METTL3: variants seen among roughly 807,000 people sequenced by gnomAD.
METTL3 encodes methyltransferase 3, N6-adenosine-methyltransferase complex catalytic subunit.
In METTL3, 42 loss-of-function variants were observed where a neutral mutation model predicts 64.3. The observed-to-expected ratio is 0.65, with a 90% CI of 0.51 to 0.84. The LOEUF (loss-of-function observed/expected upper bound fraction) is 0.84, where lower values mean the gene tolerates loss of function less well. Among genes scored for constraint, METTL3 ranks in the 40% least tolerant of loss-of-function variants. The probability of loss-of-function intolerance (pLI) is 0.00; values close to 1 mark genes in which losing one functional copy is unlikely to be tolerated. For missense variants in METTL3, 435 were observed against 722.3 expected (o/e 0.60, Z 4.56); for synonymous variants, 256 against 263.6 (o/e 0.97, Z 0.28).
At chr14:21,500,737 C>T in intron 5 of METTL3, 55 bp from the exon 6 acceptor site, 1 of 1,541,902 alleles carries the variant, frequency 6.5e-7, no homozygotes. Flanking sequence ...GATTCATGGC[C>T]CGAGTCCCTC....
Position 21,501,801 on chromosome 14 carries a change from A to AG in METTL3, c.825dup (p.Cys276LeufsTer2), listed in dbSNP as rs1891573928. 1 of 1,614,084 alleles carries AG rather than the reference A, an allele frequency of 6.2e-7. No individual in the cohort carries two copies. The highest frequency in any genetic ancestry group is 8.5e-7 in the Non-Finnish European group (1 of 1,180,030). The stretch of plus-strand genomic sequence containing the variant: ...CACTCCTCCTTGGTTCCATAGTCAC[A>AG]GAATTCTTGCACTTGGGCCCGACCT... On this transcript the variant is annotated frameshift_variant, in exon 4 of 11. Coordinates refer to ENST00000298717, the MANE Select transcript of METTL3 (RefSeq NM_019852.5). LOFTEE classifies it high-confidence loss of function.
intron 8 of METTL3, 45 bp from the exon 9 acceptor site, chr14:21,499,416 G>GA (rs1566490317): frequency 5.6e-6 from 9 of 1,612,362 alleles, no homozygotes; most frequent in Non-Finnish European, 6.8e-6. Flanking sequence ...CCACACCTTT[G>GA]AACTTTTTCT....
chr14:21,498,439 G>A (rs149731858), intron 10 of METTL3, 70 bp from the exon 11 acceptor site: 3 of 1,460,662 alleles, frequency 2.1e-6, no homozygotes, highest in East Asian at 2.3e-5. Flanking sequence ...GTTAAAAAAT[G>A]CATACCAAAT....
Position 21,511,319 on chromosome 14 carries a change from C to G in METTL3, c.-96G>C. On this transcript the variant is annotated 5_prime_UTR_variant, in exon 1 of 11. Transcript: ENST00000298717. ...GATATAGCCAATTCTCACGCGGACA[C>G]CCCGAAGGCTAACCGGAAAATGACC... 6.7e-7 allele frequency: 1 copy of G among 1,484,038 alleles called. No homozygotes were observed. The highest frequency in any genetic ancestry group is 1.3e-5 in the South Asian group (1 of 75,372). The allele number at this position is 1,484,038 out of a possible 1,614,324, so 91.9% of individuals were successfully genotyped here. A position where few individuals can be genotyped will look rare whatever the true frequency, so the allele number is the denominator to read the frequency against.
intron 1 of METTL3, 171 bp from the exon 2 acceptor site, chr14:21,504,052 A>G (rs1891638602): frequency 1.6e-6 from 1 of 607,890 alleles, no homozygotes; most frequent in African/African-American, 1.9e-5. Flanking sequence ...TAAAACATTC[A>G]CTGCTTTGTC....
chr14:21,509,315 G>A (rs945337380), intron 1 of METTL3, among the ~76,000 whole-genome samples: 2 of 152,204 alleles, frequency 1.3e-5, no homozygotes, highest in African/African-American at 4.8e-5. Context: ...ACTCCAGCCT[G>A]GGTGACAGAG....
intron 1 of METTL3, among the ~76,000 whole-genome samples, chr14:21,509,766 ACC>A (rs1891784694): frequency 6.6e-6 from 1 of 152,206 alleles, no homozygotes; most frequent in Non-Finnish European, 1.5e-5. Context: ...AAAACAGGAA[ACC>A]AAAGAATAGG....
chr14:21,503,136 A>G, intron 3 of METTL3, 37 bp downstream of exon 3: 1 of 1,563,658 alleles, frequency 6.4e-7, no homozygotes, highest in Non-Finnish European at 8.7e-7. Flanking sequence ...GCTATAATTA[A>G]GAGCATATTG....
At chr14:21,499,825 A>T (rs761958710) in intron 6 of METTL3, 23 bp from the exon 7 acceptor site, 1 of 1,610,512 alleles carries the variant, frequency 6.2e-7, no homozygotes, top group Admixed American at 1.7e-5. Context: ...GAGTTAAACA[A>T]CTATTTGTAT....
At chr14:21,503,126 G>GGGATTTAATAATAT in intron 3 of METTL3, 47 bp downstream of exon 3, 1 of 1,547,402 alleles carries the variant, frequency 6.5e-7, no homozygotes, top group Non-Finnish European at 8.7e-7. Context: ...GTCAAACAAA[G>GGGATTTAATAATAT]CTATAATTAA....
At chr14:21,510,349 T>C (rs1321667263) in intron 1 of METTL3, among the ~76,000 whole-genome samples, 2 of 151,900 alleles carry the variant, frequency 1.3e-5, no homozygotes, top group Non-Finnish European at 2.9e-5. Flanking sequence ...AGAGATGCAG[T>C]TGAAGATACT....
chr14:21,509,416 A>G (rs1175556738), intron 1 of METTL3: 1 of 152,138 alleles, frequency 6.6e-6, no homozygotes, highest in Admixed American at 6.5e-5. Context: ...CCCCTTTTGC[A>G]ACTGCCATTG....
intron 1 of METTL3, among the ~76,000 whole-genome samples, chr14:21,506,056 T>G (rs926113265): frequency 4.7e-4 from 67 of 144,040 alleles, no homozygotes; most frequent in Non-Finnish European, 8.5e-4. Context: ...TAAAATAAAG[T>G]TTTTTTTTTT....
rs769454652 is a variant in METTL3 at position 21,501,812 on chromosome 14, AC to A, written c.814del (p.Val272CysfsTer14). The part of the protein sequence containing the change: ...EKFRSRGRAQ[V>X]QEFCDYGTKE... ...GGTTCCATAGTCACAGAATTCTTGC[AC>A]TTGGGCCCGACCTCGAGAGCGAAAT... On this transcript the variant is annotated frameshift_variant, in exon 4 of 11. Coordinates refer to ENST00000298717, the MANE Select transcript of METTL3 (RefSeq NM_019852.5). LOFTEE classifies it high-confidence loss of function. 17 of 1,614,138 alleles carry A rather than the reference AC, an allele frequency of 1.1e-5. No homozygotes were observed. In the South Asian group the frequency reaches 1.9e-4, roughly 18 times the overall value.
At chr14:21,506,183 G>A (rs1224831327) in intron 1 of METTL3, among the ~76,000 whole-genome samples, 1 of 151,554 alleles carries the variant, frequency 6.6e-6, no homozygotes, top group Non-Finnish European at 1.5e-5. Flanking sequence ...TTAGGATGGC[G>A]CTTCCTCAAA....
At chr14:21,507,455 C>G (rs1188488423) in intron 1 of METTL3, among the ~76,000 whole-genome samples, 1 of 151,984 alleles carries the variant, frequency 6.6e-6, no homozygotes, top group Non-Finnish European at 1.5e-5. Context: ...GTCAGGAGAT[C>G]GAGACCATCC....
chr14:21,511,333 CGGAAAAT>C lies in METTL3; in HGVS notation c.-117_-111del. The C allele has an allele frequency of 1.4e-6, 2 of 1,467,030 alleles. No individual in the cohort carries two copies. Among genetic ancestry groups the C allele is most frequent in the Non-Finnish European group, 9.1e-7 (1 of 1,103,620 alleles). The allele number at this position is 1,467,030 out of a possible 1,614,324, so 90.9% of individuals were successfully genotyped here. A position where few individuals can be genotyped will look rare whatever the true frequency, so the allele number is the denominator to read the frequency against. On this transcript the variant is annotated 5_prime_UTR_variant, in exon 1 of 11. Transcript: ENST00000298717. ...TCACGCGGACACCCCGAAGGCTAAC[CGGAAAAT>C]GACCCCTGGAGCTGAGCAAGACAGA...
chr14:21,500,740 A>C, intron 5 of METTL3, 58 bp from the exon 6 acceptor site: 1 of 1,540,458 alleles, frequency 6.5e-7, no homozygotes, highest in Non-Finnish European at 8.8e-7. Context: ...TCATGGCCCG[A>C]GTCCCTCTTT....
intron 4 of METTL3, 130 bp downstream of exon 4, chr14:21,501,598 G>A (rs1891569259): frequency 9.0e-7 from 1 of 1,112,342 alleles, no homozygotes; most frequent in Non-Finnish European, 1.3e-6. Context: ...CACCTTCAGG[G>A]TCTGGAGGAC....
Sources: gnomAD v4.1 joint callset for allele counts (sites outside exome capture counted in the v4.1 genomes callset) on GRCh38, gnomAD v4.1.1 for gene constraint, MANE v1.5 for transcripts, NCBI Gene and HGNC (gene_info 2026-07-23, HGNC 2026-07-21) for gene names.